PDGFB: variants seen among roughly 807,000 people sequenced by gnomAD.
The protein encoded by PDGFB is platelet-derived growth factor subunit B.
PDGFB carries 6 observed loss-of-function variants against 29.0 expected under a neutral mutation model. The ratio of observed to expected loss-of-function variants is 0.21; its 90% CI spans 0.11 to 0.41. The LOEUF is 0.41. Ranked by LOEUF, PDGFB falls within the 10% of genes least tolerant of loss-of-function variation. The pLI, the probability that PDGFB is intolerant of heterozygous loss-of-function variation, is 1.00. For synonymous variants in PDGFB, 144 were observed against 140.8 expected, an observed-to-expected ratio of 1.02 and a Z score of -0.16; for missense variants, 299 against 341.8, an observed-to-expected ratio of 0.87 and a Z score of 0.99.
chr22:39,240,013 C>T (rs573768915), intron 1 of PDGFB, among the ~76,000 whole-genome samples: 114 of 152,326 alleles, frequency 7.5e-4, no homozygotes, highest in African/African-American at 2.4e-3. Context: ...TTATTTAGAT[C>T]GAATGCCAAA....
rs1932653188 is a variant in PDGFB at position 39,244,730 on chromosome 22, CG to C, written c.-768del. 12 of 180,036 alleles carry C rather than the reference CG, an allele frequency of 6.7e-5. No homozygotes were observed. Among genetic ancestry groups the C allele is most frequent in the African/African-American group, 2.8e-4 (11 of 39,136 alleles). The allele number at this position is 180,036 out of a possible 1,614,324, so 11.2% of individuals were successfully genotyped here. On this transcript the variant is annotated 5_prime_UTR_variant, in exon 1 of 7. Transcript: ENST00000331163. This position sits in a 1 kb window ranked among gnomAD's most constrained non-coding sequence, Gnocchi z 4.5. The stretch of plus-strand genomic sequence containing the variant: ...CGCTCTGGGCGTCCTCTGCGGGCTG[CG>C]GGCTGCGAGCTGCGAGCTGCGAGCT...
chr22:39,225,755 T>G lies in PDGFB; in HGVS notation c.694A>C (p.Lys232Gln). 1 of 1,614,152 alleles carries G rather than the reference T, an allele frequency of 6.2e-7. No individual in the cohort carries two copies. The highest frequency in any genetic ancestry group is 8.5e-7 in the Non-Finnish European group (1 of 1,180,008). ...KHRKFKHTHD[K>Q]TALKETLGA ...CCAAGGGTCTCCTTCAGTGCCGTCT[T>G]GTCATGCGTGTGCTTGAATTTCCGG... The change falls in exon 6 of 7, where the codon AAG (lysine) becomes CAG (glutamine). Residue 232 changes from lysine to glutamine, a missense_variant. Transcript: ENST00000331163.
In PDGFB at chr22:39,243,201, C is replaced by G. The variant is rs1250545569; in HGVS notation, c.63+700G>C. Among the ~76,000 whole-genome samples, 1 of 152,102 alleles carries G rather than the reference C, an allele frequency of 6.6e-6. No homozygotes were observed. The highest frequency in any genetic ancestry group is 1.5e-5 in the Non-Finnish European group (1 of 68,012). ...CCTCCCCCTACCCGAGTGCCCGAAA[C>G]CTACCTGCGTCTCTATCTTTCTCTC... On this transcript the variant is annotated intron_variant, in intron 1 of 6. Transcript: ENST00000331163. The surrounding 1 kb of genome is among the most constrained non-coding windows in gnomAD (Gnocchi z 6.4).
chr22:39,230,897 G>A (rs1457963668), intron 4 of PDGFB, among the ~76,000 whole-genome samples: 1 of 152,236 alleles, frequency 6.6e-6, no homozygotes, highest in East Asian at 1.9e-4. Context: ...GGGCGTGCAG[G>A]AATCTTTCCA....
chr22:39,235,797 C>T lies in PDGFB; in HGVS notation c.141G>A (p.Leu47=). 1 of 1,613,302 alleles carries T rather than the reference C, an allele frequency of 6.2e-7. No homozygotes were observed. Among genetic ancestry groups the T allele is most frequent in the Non-Finnish European group, 8.5e-7 (1 of 1,179,292 alleles). ...ATTTACCTCCGGGGTCTCCGTGCAG[C>T]AGGCGTTGGAGATCATCAAAGGAGC... ...SIRSFDDLQR[L]LHGDPGEEDG... The change falls in exon 2 of 7, where the codon CTG becomes CTA. Residue 47 remains leucine (L), a synonymous_variant. Coordinates refer to ENST00000331163, the MANE Select transcript of PDGFB (RefSeq NM_002608.4).
Position 39,243,252 on chromosome 22 carries a change from G to C in PDGFB, c.63+649C>G, listed in dbSNP as rs963149655. Among the ~76,000 whole-genome samples the C allele has an allele frequency of 9.8e-4, 141 of 143,894 alleles. 1 individual carries two copies. Among genetic ancestry groups the C allele is most frequent in the African/African-American group, 3.8e-3 (139 of 36,912 alleles). The allele number at this position is 143,894 out of a possible 152,430, so 94.4% of individuals were successfully genotyped here. A position where few individuals can be genotyped will look rare whatever the true frequency, so the allele number is the denominator to read the frequency against. On this transcript the variant is annotated intron_variant, in intron 1 of 6. Transcript: ENST00000331163. The surrounding 1 kb of genome is among the most constrained non-coding windows in gnomAD (Gnocchi z 6.4). ...CCTCTCTCTCTCCGTCTCTCTCTCCGTCTCTCTCTCTCTCTCTCTCTTTCT... is the reference window on the plus strand; with the variant it reads ...CCTCTCTCTCTCCGTCTCTCTCTCCCTCTCTCTCTCTCTCTCTCTCTTTCT...
At chr22:39,233,666 G>A (rs572740549) in intron 2 of PDGFB, 142 bp from the exon 3 acceptor site, 29 of 559,032 alleles carry the variant, frequency 5.2e-5, no homozygotes, top group East Asian at 3.7e-4. Flanking sequence ...ATAAATGCAC[G>A]GGTCCTGGCC....
chr22:39,238,836 A>C (rs1932504444), intron 1 of PDGFB, among the ~76,000 whole-genome samples: 1 of 152,262 alleles, frequency 6.6e-6, no homozygotes, highest in South Asian at 2.1e-4. Context: ...GCAATGTATG[A>C]AGGCATCGCT....
chr22:39,240,815 A>G, intron 1 of PDGFB: 1 of 1,610,272 alleles, frequency 6.2e-7, no homozygotes, highest in Non-Finnish European at 8.5e-7. Context: ...GAGGCTCCTC[A>G]ATGTGGGGAG....
chr22:39,239,979 C>T (rs1394538116), intron 1 of PDGFB, among the ~76,000 whole-genome samples: 3 of 152,260 alleles, frequency 2.0e-5, no homozygotes, highest in Non-Finnish European at 2.9e-5. Flanking sequence ...CTCCCAGAGC[C>T]TGCCTGCCTG....
intron 1 of PDGFB, among the ~76,000 whole-genome samples, chr22:39,238,480 G>A (rs1291417072): frequency 6.6e-6 from 1 of 152,052 alleles, no homozygotes; most frequent in African/African-American, 2.4e-5. Flanking sequence ...ATCTATGAAT[G>A]CCAGCTACAA....
At chr22:39,229,859 A>G (rs922191862) in intron 5 of PDGFB, among the ~76,000 whole-genome samples, 7 of 152,172 alleles carry the variant, frequency 4.6e-5, no homozygotes, top group African/African-American at 1.7e-4. Flanking sequence ...GCACAGGTGA[A>G]GGGTACTGGT....
intron 2 of PDGFB, among the ~76,000 whole-genome samples, chr22:39,234,757 C>T (rs1353560452): frequency 6.6e-6 from 1 of 152,252 alleles, no homozygotes; most frequent in Non-Finnish European, 1.5e-5. Flanking sequence ...ACATGGTTGC[C>T]TTGAAACAGG....
chr22:39,232,963 G>A (rs1235826688), intron 3 of PDGFB, among the ~76,000 whole-genome samples: 1 of 152,240 alleles, frequency 6.6e-6, no homozygotes, highest in Non-Finnish European at 1.5e-5. Flanking sequence ...GCAGGAGGAA[G>A]TTCCAGGCTT....
In PDGFB at chr22:39,224,118, G is replaced by C. The variant is rs1333382281; in HGVS notation, c.*1224C>G. ...GACTTTGGGAAATGGAGGTCATGTG[G>C]ACAGCAGTGTTGCCTCCCTGCCCCT... On this transcript the variant is annotated 3_prime_UTR_variant, in exon 7 of 7. Coordinates refer to ENST00000331163, the MANE Select transcript of PDGFB (RefSeq NM_002608.4). 6.6e-6 allele frequency: 1 copy of C among 152,286 alleles called. No homozygotes were observed. Among genetic ancestry groups the C allele is most frequent in the Non-Finnish European group, 1.5e-5 (1 of 68,084 alleles). 9.4% of individuals were successfully genotyped at this position (152,286 alleles called of 1,614,324 possible). A position where few individuals can be genotyped will look rare whatever the true frequency, so the allele number is the denominator to read the frequency against.
rs1932652851 is a variant in PDGFB, at chr22:39,244,724, G to A, written c.-761C>T. The stretch of plus-strand genomic sequence containing the variant: ...GCTCGCCGCTCTGGGCGTCCTCTGC[G>A]GGCTGCGGGCTGCGAGCTGCGAGCT... On this transcript the variant is annotated 5_prime_UTR_variant, in exon 1 of 7. Transcript: ENST00000331163. The surrounding 1 kb of genome is among the most constrained non-coding windows in gnomAD (Gnocchi z 4.5). The A allele has an allele frequency of 5.5e-6, 1 of 181,242 alleles. No homozygotes were observed. Among genetic ancestry groups the A allele is most frequent in the African/African-American group, 2.6e-5 (1 of 38,684 alleles). 11.2% of individuals were successfully genotyped at this position (181,242 alleles called of 1,614,324 possible). A position where few individuals can be genotyped will look rare whatever the true frequency, so the allele number is the denominator to read the frequency against.
chr22:39,224,888 G>A lies in PDGFB; in HGVS notation c.*454C>T, dbSNP rs1201547184. 1.3e-5 allele frequency: 2 copies of A among 152,454 alleles called. No individual in the cohort carries two copies. Among genetic ancestry groups the A allele is most frequent in the African/African-American group, 2.4e-5 (1 of 41,438 alleles). The allele number at this position is 152,454 out of a possible 1,614,324, so 9.4% of individuals were successfully genotyped here. The stretch of plus-strand genomic sequence containing the variant: ...CCGAGGCAGCCTGGCCTGCCTGGAG[G>A]TGCCTCCCCTCAGAGCTGGCCAGGG... On this transcript the variant is annotated 3_prime_UTR_variant, in exon 7 of 7. Coordinates refer to ENST00000331163, the MANE Select transcript of PDGFB (RefSeq NM_002608.4).
At position 39,230,104 on chromosome 22, in the gene PDGFB, C is replaced by T. The variant is rs1412409008; in HGVS notation, c.581G>A (p.Gly194Glu). 1.2e-6 allele frequency: 2 copies of T among 1,613,840 alleles called. No individual in the cohort carries two copies. The highest frequency in any genetic ancestry group is 1.7e-6 in the Non-Finnish European group (2 of 1,179,968). ...AAARPVTRSP[G>E]GSQEQRAKTP... is the part of the protein sequence containing the mutation. ...GTTACCTCGCTGCTCCTGGGAACCC[C>T]CCGGGCTTCGGGTCACAGGCCGTGC... The change falls in exon 5 of 7, where the codon GGG (glycine) becomes GAG (glutamate). Residue 194 changes from glycine (G) to glutamate (E), a missense_variant. Gly to Glu is a moderately conservative substitution (Grantham distance 98). Transcript: ENST00000331163.
chr22:39,238,083 G>A (rs1932487334), intron 1 of PDGFB, among the ~76,000 whole-genome samples: 1 of 152,324 alleles, frequency 6.6e-6, no homozygotes, highest in South Asian at 2.1e-4. Context: ...AGCCACGGCA[G>A]AGGAGGCAGA....
Sources: allele counts gnomAD v4.1 joint callset (sites outside exome capture counted in the v4.1 genomes callset), GRCh38; gene constraint gnomAD v4.1.1; non-coding constraint Gnocchi (gnomAD v3.1); transcripts MANE v1.5; gene names NCBI Gene and HGNC (gene_info 2026-07-23, HGNC 2026-07-21).